Variants in STAC observed in about 807,000 individuals in gnomAD.
STAC encodes the protein SH3 and cysteine rich domain.
Under a neutral mutation model 48.8 loss-of-function variants are expected in STAC, and 43 were observed. That is an observed-to-expected ratio of 0.88 (90% CI 0.69 to 1.14). The LOEUF (loss-of-function observed/expected upper bound fraction) is 1.14, where lower values mean the gene tolerates loss of function less well. STAC is among the 50% of genes most tolerant of loss of function. STAC has a pLI of 0.00. For missense variants in STAC, 497 were observed against 504.0 expected (o/e 0.99, Z 0.13); for synonymous variants, 193 against 179.5 (o/e 1.07, Z -0.60).
At chr3:36,398,411 A>AAG (rs1699915270) in intron 1 of STAC, among the ~76,000 whole-genome samples, 1 of 136,466 alleles carries the variant, frequency 7.3e-6, no homozygotes, top group Non-Finnish European at 1.6e-5. Context: ...AGAGAAAGAG[A>AAG]GAGGGAAGGA....
chr3:36,541,940 A>G (rs1435425297), intron 10 of STAC, among the ~76,000 whole-genome samples: 2 of 152,144 alleles, frequency 1.3e-5, no homozygotes, highest in Non-Finnish European at 2.9e-5. Flanking sequence ...AGGATTTATC[A>G]GTATGGGAAG....
chr3:36,479,977 A>T (rs1331511579), intron 2 of STAC, among the ~76,000 whole-genome samples: 1 of 152,234 alleles, frequency 6.6e-6, no homozygotes, highest in Non-Finnish European at 1.5e-5. Flanking sequence ...TTGAAACATC[A>T]GAAACCAAAT....
At chr3:36,422,424 C>A (rs182088315) in intron 1 of STAC, among the ~76,000 whole-genome samples, 1 of 152,032 alleles carries the variant, frequency 6.6e-6, no homozygotes, top group Non-Finnish European at 1.5e-5. Flanking sequence ...TAAATGCTGG[C>A]CATTGTCAGC....
chr3:36,494,619 T>C (rs1698087020), intron 6 of STAC, among the ~76,000 whole-genome samples: 1 of 152,206 alleles, frequency 6.6e-6, no homozygotes, highest in African/African-American at 2.4e-5. Flanking sequence ...TTTTCCTTCC[T>C]AAATAAGTGC....
intron 1 of STAC, among the ~76,000 whole-genome samples, chr3:36,387,326 C>G (rs62245722): frequency 6.6e-6 from 1 of 151,824 alleles, no homozygotes; most frequent in African/African-American, 2.4e-5. Flanking sequence ...GTAAAATATG[C>G]GTAATGTAAA....
intron 2 of STAC, among the ~76,000 whole-genome samples, chr3:36,461,297 G>A (rs1697010791): frequency 6.6e-6 from 1 of 152,146 alleles, no homozygotes; most frequent in African/African-American, 2.4e-5. Flanking sequence ...AGCATGCTGA[G>A]TATTATTAAT....
intron 6 of STAC, among the ~76,000 whole-genome samples, chr3:36,494,361 T>C (rs1334231866): frequency 2.0e-5 from 3 of 152,184 alleles, no homozygotes; most frequent in African/African-American, 2.4e-5. Context: ...CTGAGTTGCA[T>C]TGTTAACTTG....
intron 2 of STAC, among the ~76,000 whole-genome samples, chr3:36,456,926 T>G (rs1357953319): frequency 6.6e-6 from 1 of 152,168 alleles, no homozygotes; most frequent in Non-Finnish European, 1.5e-5. Flanking sequence ...TCTGTCTATA[T>G]CTCCTCATCC....
At chr3:36,539,049 G>C (rs1307221031) in intron 10 of STAC, among the ~76,000 whole-genome samples, 5 of 152,120 alleles carry the variant, frequency 3.3e-5, no homozygotes, top group Non-Finnish European at 7.4e-5. Flanking sequence ...CCTCCCAAGA[G>C]ACTGTTTCAA....
chr3:36,432,268 T>C (rs757699409), intron 1 of STAC, among the ~76,000 whole-genome samples: 1 of 152,170 alleles, frequency 6.6e-6, no homozygotes, highest in Non-Finnish European at 1.5e-5. Context: ...AGAAGTTAAA[T>C]AACTTTCCTA....
At chr3:36,536,122 A>C (rs1182672768) in intron 10 of STAC, among the ~76,000 whole-genome samples, 3 of 152,020 alleles carry the variant, frequency 2.0e-5, no homozygotes, top group Non-Finnish European at 2.9e-5. Flanking sequence ...TTGGTAGGCT[A>C]TTTGTTACTG....
chr3:36,537,410 G>A (rs1179477767), intron 10 of STAC, among the ~76,000 whole-genome samples: 4 of 152,264 alleles, frequency 2.6e-5, no homozygotes, highest in African/African-American at 9.6e-5. Flanking sequence ...GGATGGAGCT[G>A]GAAGCCATTA....
At chr3:36,393,491 A>C (rs1350323397) in intron 1 of STAC, among the ~76,000 whole-genome samples, 1 of 151,882 alleles carries the variant, frequency 6.6e-6, no homozygotes, top group Non-Finnish European at 1.5e-5. Flanking sequence ...ATAGGAAGCT[A>C]TTTTACGTAG....
chr3:36,406,607 G>A (rs1700092730), intron 1 of STAC, among the ~76,000 whole-genome samples: 1 of 152,210 alleles, frequency 6.6e-6, no homozygotes, highest in Non-Finnish European at 1.5e-5. Context: ...GTTATAATGT[G>A]TCAGTCTTCC....
At position 36,451,408 on chromosome 3, in the gene STAC, A is replaced by G. The variant is rs566617228; in HGVS notation, c.388+7768A>G. Among the ~76,000 whole-genome samples, 5 of 152,260 alleles carry G rather than the reference A, an allele frequency of 3.3e-5. No homozygotes were observed. The South Asian group carries it at 1.0e-3, about 32-fold the overall frequency. On this transcript the variant is annotated intron_variant, in intron 2 of 10. Coordinates refer to ENST00000273183, the MANE Select transcript of STAC (RefSeq NM_003149.3). Reference sequence around the variant, plus strand: ...CCTTCCTGTTTTTGCAGATTAATCCAGATTTTAAAAATCAATTCAGATTTT... The same window carrying G: ...CCTTCCTGTTTTTGCAGATTAATCCGGATTTTAAAAATCAATTCAGATTTT...
chr3:36,488,467 T>C (rs1209490094), intron 5 of STAC, among the ~76,000 whole-genome samples: 2 of 152,194 alleles, frequency 1.3e-5, no homozygotes, highest in African/African-American at 4.8e-5. Context: ...ACTCCTTAAG[T>C]TGGAGTGTTC....
intron 2 of STAC, among the ~76,000 whole-genome samples, chr3:36,453,408 G>GGGC (rs1276145011): frequency 6.6e-6 from 1 of 152,222 alleles, no homozygotes; most frequent in African/African-American, 2.4e-5. Context: ...AGTTCCGGGT[G>GGGC]GGCGTGGGCT....
chr3:36,401,310 C>T (rs1237583197), intron 1 of STAC, among the ~76,000 whole-genome samples: 13 of 152,206 alleles, frequency 8.5e-5, no homozygotes, highest in Admixed American at 7.9e-4. Flanking sequence ...CAGCATGAGC[C>T]TGCCTTTTCC....
At chr3:36,499,792 A>C (rs1385492427) in intron 6 of STAC, among the ~76,000 whole-genome samples, 7 of 152,054 alleles carry the variant, frequency 4.6e-5, no homozygotes, top group Admixed American at 2.6e-4. Flanking sequence ...AGGGGGAAGA[A>C]AGAAAAACAT....
Sources: gnomAD v4.1 joint callset for allele counts (sites outside exome capture counted in the v4.1 genomes callset) on GRCh38, gnomAD v4.1.1 for gene constraint, MANE v1.5 for transcripts, NCBI Gene and HGNC (gene_info 2026-07-23, HGNC 2026-07-21) for gene names.